The following EDNRB variants were observed in gnomAD, a reference collection of about 807,000 sequenced individuals.
The protein encoded by EDNRB is Hirschsprung disease 2.
In EDNRB, 18 loss-of-function variants were observed where a neutral mutation model predicts 46.4. The observed-to-expected ratio is 0.39, with a 90% confidence interval of 0.27 to 0.57. The LOEUF (loss-of-function observed/expected upper bound fraction) is 0.57, where lower values mean the gene tolerates loss of function less well. Ranked by LOEUF, EDNRB falls within the 20% of genes least tolerant of loss-of-function variation. The pLI is 0.61. For missense variants in EDNRB, 434 were observed against 537.5 expected (o/e 0.81, Z 1.90); for synonymous variants, 213 against 204.9 (o/e 1.04, Z -0.34).
chr13:77,924,100 T>C (rs1210206289), upstream of EDNRB, among the ~76,000 whole-genome samples: 1 of 152,248 alleles, frequency 6.6e-6, no homozygotes, highest in Non-Finnish European at 1.5e-5. Flanking sequence ...TTATTTACTA[T>C]ACATTAGATG....
intron 1 of EDNRB, among the ~76,000 whole-genome samples, chr13:77,940,981 A>G (rs1461235261): frequency 6.6e-6 from 1 of 152,216 alleles, no homozygotes; most frequent in Non-Finnish European, 1.5e-5. Context: ...GAATCCTAGA[A>G]ATTTTTGGAA....
upstream of EDNRB, chr13:77,918,926 A>G (rs1356050368): frequency 3.3e-5 from 40 of 1,195,052 alleles, no homozygotes; most frequent in Admixed American, 1.6e-3. The surrounding 1 kb of genome is among the most constrained non-coding windows in gnomAD (Gnocchi z 4.5). Context: ...TCCCAGGCAA[A>G]GCTCCGAACT....
At position 77,901,178 on chromosome 13, in the gene EDNRB, T is replaced by G. The variant is rs5351; in HGVS notation, c.831A>C (p.Leu277=). 5.6e-6 allele frequency: 9 copies of G among 1,610,814 alleles called. No homozygotes were observed. Among genetic ancestry groups the G allele is most frequent in the Non-Finnish European group, 6.8e-6 (8 of 1,178,166 alleles). Residue 277 remains leucine (L), a synonymous_variant, in exon 4 of 7, where the codon CTA becomes CTC. Coordinates refer to ENST00000646607, the MANE Select transcript of EDNRB (RefSeq NM_001122659.3). ...ATGGCAAGCAGAAATAGAAACTGAA[T>G]AGCCACCAATCTTTTGCTGTCTTGT... The part of the protein sequence containing the change: ...QFYKTAKDWW[L]FSFYFCLPLA...
chr13:77,955,845 GTATCTATCTATCTATCTATCTATCTATC>G (rs61434836), intron 1 of EDNRB, among the ~76,000 whole-genome samples: 1 of 145,636 alleles, frequency 6.9e-6, no homozygotes, highest in Non-Finnish European at 1.5e-5. Flanking sequence ...ATGTGTGTGT[GTATCTATCTATCTATCTATCTATCTATC>G]TATCTATCTA....
chr13:77,916,439 G>A (rs1480272174), intron 1 of EDNRB, among the ~76,000 whole-genome samples: 1 of 152,164 alleles, frequency 6.6e-6, no homozygotes, highest in East Asian at 1.9e-4. Context: ...CTCTTACCAA[G>A]TAAATCCTCA....
intron 1 of EDNRB, among the ~76,000 whole-genome samples, chr13:77,917,798 T>C (rs547836642): frequency 6.6e-6 from 1 of 152,338 alleles, no homozygotes; most frequent in African/African-American, 2.4e-5. Flanking sequence ...AAAATCTTCA[T>C]GTGCACCAAG....
intron 1 of EDNRB, among the ~76,000 whole-genome samples, chr13:77,956,973 A>G (rs754983226): frequency 1.1e-4 from 17 of 152,224 alleles, no homozygotes; most frequent in Non-Finnish European, 2.1e-4. Flanking sequence ...AAGAAAACAT[A>G]TTCATAGGGA....
intron 1 of EDNRB, among the ~76,000 whole-genome samples, chr13:77,962,713 AG>A (rs1394856120): frequency 6.6e-6 from 1 of 152,212 alleles, no homozygotes; most frequent in Non-Finnish European, 1.5e-5. Flanking sequence ...AACTGGCACA[AG>A]AAAGGGATGC....
At chr13:77,964,053 A>T (rs1178077940) in intron 1 of EDNRB, among the ~76,000 whole-genome samples, 2 of 152,222 alleles carry the variant, frequency 1.3e-5, no homozygotes, top group Admixed American at 6.5e-5. Flanking sequence ...GAGAAATGCA[A>T]ATCAAAACCA....
Position 77,903,565 on chromosome 13 carries a change from G to C in EDNRB, c.526C>G (p.Leu176Val), listed in dbSNP as rs143312578. 331 of 1,612,750 alleles carry C rather than the reference G, an allele frequency of 2.1e-4. No individual in the cohort carries two copies. Among genetic ancestry groups the C allele is most frequent in the Non-Finnish European group, 2.8e-4 (325 of 1,179,260 alleles). ...DWPFGAEMCK[L>V]VPFIQKASVG... ...GAGGCTTTCTGTATGAAAGGCACCA[G>C]CTTACACATCTCAGCTCCAAATGGC... The change falls in exon 2 of 7, where the codon CTG becomes GTG. Residue 176 changes from leucine to valine, a missense_variant. Transcript: ENST00000646607.
chr13:77,901,499 T>C (rs1306346836), intron 3 of EDNRB, among the ~76,000 whole-genome samples: 1 of 152,022 alleles, frequency 6.6e-6, no homozygotes, highest in African/African-American at 2.4e-5. Context: ...TTCAATGCTT[T>C]GTCTTCACAT....
At chr13:77,909,822 C>A (rs937558990) in intron 1 of EDNRB, among the ~76,000 whole-genome samples, 3 of 151,954 alleles carry the variant, frequency 2.0e-5, no homozygotes, top group Non-Finnish European at 4.4e-5. Context: ...TACATATATT[C>A]TTTAGATAAT....
intron 1 of EDNRB, among the ~76,000 whole-genome samples, chr13:77,970,090 T>A (rs185287332): frequency 2.9e-4 from 44 of 152,322 alleles, no homozygotes; most frequent in African/African-American, 1.0e-3. Flanking sequence ...ATTTTCTACT[T>A]GATGAAGAAG....
intron 1 of EDNRB, among the ~76,000 whole-genome samples, chr13:77,909,204 C>T (rs1050731341): frequency 6.6e-6 from 1 of 152,028 alleles, no homozygotes; most frequent in Non-Finnish European, 1.5e-5. Flanking sequence ...TACCTTGGAA[C>T]AGCTGCTTGA....
chr13:77,911,733 C>T (rs962482649), intron 1 of EDNRB, among the ~76,000 whole-genome samples: 6 of 151,936 alleles, frequency 3.9e-5, no homozygotes, highest in Admixed American at 3.9e-4. Context: ...ACATTTTCAC[C>T]AGAGGCCCTA....
At chr13:77,928,696 G>T (rs984505379) in intron 1 of EDNRB, among the ~76,000 whole-genome samples, 20 of 152,148 alleles carry the variant, frequency 1.3e-4, no homozygotes, top group Admixed American at 3.9e-4. Flanking sequence ...CTTCTCTGAA[G>T]TCAAGAGAAG....
chr13:77,924,979 T>C (rs144283810), intron 1 of EDNRB, among the ~76,000 whole-genome samples: 2 of 152,338 alleles, frequency 1.3e-5, no homozygotes, highest in Non-Finnish European at 2.9e-5. Flanking sequence ...TTCTTTCTTT[T>C]GTAAATTACC....
intron 1 of EDNRB, among the ~76,000 whole-genome samples, chr13:77,963,027 C>T (rs1474381542): frequency 6.6e-6 from 1 of 152,124 alleles, no homozygotes; most frequent in Admixed American, 6.6e-5. Flanking sequence ...ACAATTGCTT[C>T]AAGGAGAATA....
rs4052535 is a variant in EDNRB, at chr13:77,908,043, A to AAAAAGAGAG, written c.484-4437_484-4436insCTCTCTTTT. Reference sequence around the variant, plus strand: ...CTGCAAAAAAAAAAAAAAAAAAAAAAAGAGAGAGAGAGCATTAACCTTTAT... The same window carrying AAAAAGAGAG: ...CTGCAAAAAAAAAAAAAAAAAAAAAAAAAAGAGAGAGAGAGAGAGAGCATTAACCTTTAT... On this transcript the variant is annotated intron_variant, in intron 1 of 6. Coordinates refer to ENST00000646607, the MANE Select transcript of EDNRB (RefSeq NM_001122659.3). Among the ~76,000 whole-genome samples the AAAAAGAGAG allele has an allele frequency of 1.9e-3, 136 of 72,480 alleles. 6 individuals are homozygous for AAAAAGAGAG. The highest frequency in any genetic ancestry group is 2.9e-3 in the East Asian group (5 of 1,754). 47.5% of individuals were successfully genotyped at this position (72,480 alleles called of 152,430 possible).
Sources: gnomAD v4.1 joint callset for allele counts (sites outside exome capture counted in the v4.1 genomes callset) on GRCh38, gnomAD v4.1.1 for gene constraint, Gnocchi (gnomAD v3.1) non-coding constraint, MANE v1.5 for transcripts, NCBI Gene and HGNC (gene_info 2026-07-23, HGNC 2026-07-21) for gene names.